Variants in DDX10 observed in about 807,000 individuals in gnomAD.
DDX10 encodes DEAD-box helicase 10.
DDX10 carries 74 observed loss-of-function variants against 104.3 expected under a neutral mutation model. The observed-to-expected ratio is 0.71, with a 90% CI of 0.59 to 0.86. The LOEUF (loss-of-function observed/expected upper bound fraction) is 0.86, where lower values mean the gene tolerates loss of function less well. DDX10 is among the 40% of genes least tolerant of loss of function. The pLI, the probability that DDX10 is intolerant of heterozygous loss-of-function variation, is 0.00. For missense variants in DDX10, 952 were observed against 1,040.0 expected, an observed-to-expected ratio of 0.92 and a Z score of 1.16; for synonymous variants, 351 against 353.4, an observed-to-expected ratio of 0.99 and a Z score of 0.08.
intron 13 of DDX10, among the ~76,000 whole-genome samples, chr11:108,765,292 A>G: frequency 6.6e-6 from 1 of 152,210 alleles, no homozygotes; most frequent in East Asian, 1.9e-4. Context: ...CTAAATCCCC[A>G]TTCTGTCCCT....
At chr11:108,813,868 G>A (rs1326699968) in intron 13 of DDX10, among the ~76,000 whole-genome samples, 1 of 152,000 alleles carries the variant, frequency 6.6e-6, no homozygotes, top group African/African-American at 2.4e-5. Flanking sequence ...AAAACCTTAT[G>A]TATTTTGGGT....
intron 1 of DDX10, among the ~76,000 whole-genome samples, chr11:108,670,864 C>T (rs1317912807): frequency 6.6e-6 from 1 of 151,750 alleles, no homozygotes; most frequent in Non-Finnish European, 1.5e-5. Flanking sequence ...CTTCTCTTGA[C>T]GGCAACAGGT....
At chr11:108,870,841 C>G (rs1591103986) in intron 16 of DDX10, among the ~76,000 whole-genome samples, 1 of 152,236 alleles carries the variant, frequency 6.6e-6, no homozygotes, top group African/African-American at 2.4e-5. Flanking sequence ...GTGCCTAGAC[C>G]GATACGAACA....
intron 13 of DDX10, among the ~76,000 whole-genome samples, chr11:108,724,862 G>A (rs2094303189): frequency 1.3e-5 from 2 of 152,020 alleles, no homozygotes; most frequent in African/African-American, 4.8e-5. Context: ...TTTACTCTAT[G>A]TCAGTTATCT....
chr11:108,931,844 T>G (rs1863979444), intron 17 of DDX10, among the ~76,000 whole-genome samples: 1 of 152,128 alleles, frequency 6.6e-6, no homozygotes, highest in African/African-American at 2.4e-5. Flanking sequence ...GGTTATTGTG[T>G]GTTCTATGCC....
chr11:108,805,245 T>A (rs1403391739), intron 13 of DDX10, among the ~76,000 whole-genome samples: 4 of 152,270 alleles, frequency 2.6e-5, no homozygotes, highest in Non-Finnish European at 4.4e-5. Flanking sequence ...GAATGAGGTC[T>A]ATCTCATGAG....
chr11:108,686,700 A>C (rs1018641580), intron 6 of DDX10, among the ~76,000 whole-genome samples: 1 of 152,202 alleles, frequency 6.6e-6, no homozygotes, highest in African/African-American at 2.4e-5. Flanking sequence ...AGCTGCAATA[A>C]ACATCCTTTT....
At chr11:108,864,465 G>A (rs1365048) in intron 16 of DDX10, among the ~76,000 whole-genome samples, 111,088 of 151,486 alleles carry the variant, frequency 0.73, 41,352 homozygotes, top group South Asian at 0.79. Context: ...TATAGAATAT[G>A]TAGAATAAAC....
intron 16 of DDX10, among the ~76,000 whole-genome samples, chr11:108,912,646 G>C (rs1863695622): frequency 6.6e-6 from 1 of 152,088 alleles, no homozygotes; most frequent in Non-Finnish European, 1.5e-5. Context: ...TCTTCCATTT[G>C]ATTCCTAAAT....
At chr11:108,717,165 A>G (rs2094292561) in intron 11 of DDX10, among the ~76,000 whole-genome samples, 3 of 152,208 alleles carry the variant, frequency 2.0e-5, no homozygotes, top group African/African-American at 7.2e-5. Flanking sequence ...TTCAGCAGAT[A>G]GATGAGGTGG....
intron 16 of DDX10, among the ~76,000 whole-genome samples, chr11:108,874,155 C>A (rs1287745258): frequency 2.6e-5 from 4 of 152,186 alleles, no homozygotes; most frequent in Middle Eastern, 6.8e-3. Context: ...CAGTGGTTCA[C>A]CAAAGATGAC....
At chr11:108,931,307 T>C (rs1268688629) in intron 17 of DDX10, among the ~76,000 whole-genome samples, 1 of 152,246 alleles carries the variant, frequency 6.6e-6, no homozygotes, top group Non-Finnish European at 1.5e-5. Context: ...ATATCACTTA[T>C]TTAATCTCTC....
At chr11:108,707,720 A>G (rs7124549) in intron 10 of DDX10, among the ~76,000 whole-genome samples, 3,837 of 152,304 alleles carry the variant, frequency 0.025, 152 homozygotes, top group African/African-American at 0.085. Context: ...AGGGTTAAAG[A>G]TAGATCAAGA....
intron 13 of DDX10, among the ~76,000 whole-genome samples, chr11:108,725,774 A>C (rs2094304645): frequency 6.6e-6 from 1 of 152,044 alleles, no homozygotes; most frequent in Non-Finnish European, 1.5e-5. Context: ...GGCAAAGAGC[A>C]GGTATCTTAA....
intron 9 of DDX10, among the ~76,000 whole-genome samples, chr11:108,705,015 G>A (rs2094273885): frequency 6.6e-6 from 1 of 152,154 alleles, no homozygotes; most frequent in Non-Finnish European, 1.5e-5. Flanking sequence ...GTATGTCAAA[G>A]CCAGTTTTTC....
rs115395542 is a variant in DDX10, at chr11:108,864,269, T to C, written c.2304+12060T>C. Among the ~76,000 whole-genome samples, 181 of 152,276 alleles carry C rather than the reference T, an allele frequency of 1.2e-3. 2 individuals carry two copies. Among genetic ancestry groups the C allele is most frequent in the African/African-American group, 4.2e-3 (175 of 41,536 alleles). On this transcript the variant is annotated intron_variant, in intron 16 of 17. Coordinates refer to ENST00000322536, the MANE Select transcript of DDX10 (RefSeq NM_004398.4). ...TGAAAGATGTCTCAAAATGCCCATATCTAGCTTCCTCCATCCTTACCCTTC... is the reference window on the plus strand; with the variant it reads ...TGAAAGATGTCTCAAAATGCCCATACCTAGCTTCCTCCATCCTTACCCTTC...
At chr11:108,797,381 G>A (rs1340686114) in intron 13 of DDX10, among the ~76,000 whole-genome samples, 2 of 152,224 alleles carry the variant, frequency 1.3e-5, no homozygotes, top group East Asian at 1.9e-4. Context: ...TTACGGCAGC[G>A]CAAAATGGAG....
At chr11:108,795,284 T>C (rs2134551765) in intron 13 of DDX10, among the ~76,000 whole-genome samples, 1 of 151,910 alleles carries the variant, frequency 6.6e-6, no homozygotes, top group South Asian at 2.1e-4. Flanking sequence ...GAAATTTTTT[T>C]TTTTTTTTTT....
chr11:108,913,635 G>A (rs1431157758), intron 16 of DDX10, among the ~76,000 whole-genome samples: 1 of 152,050 alleles, frequency 6.6e-6, no homozygotes, highest in African/African-American at 2.4e-5. Context: ...ACTTCCCTTT[G>A]GCTTAGTGAC....
Sources: allele counts gnomAD v4.1 joint callset (sites outside exome capture counted in the v4.1 genomes callset), GRCh38; gene constraint gnomAD v4.1.1; transcripts MANE v1.5; gene names NCBI Gene and HGNC (gene_info 2026-07-23, HGNC 2026-07-21).